Variants in FCRLA observed in about 807,000 individuals in gnomAD.
The protein encoded by FCRLA is Fc receptor like A, also known as Fc receptor-like A.
Under a neutral mutation model 28.4 loss-of-function variants are expected in FCRLA, and 26 were observed. That is an observed-to-expected ratio of 0.91 (90% CI 0.67 to 1.27). The LOEUF (loss-of-function observed/expected upper bound fraction) is 1.27. Ranked by LOEUF, FCRLA falls within the 50% of genes most tolerant of loss-of-function variation. The pLI is 0.00. For missense variants in FCRLA, 422 were observed against 433.1 expected (o/e 0.97, Z 0.23); for synonymous variants, 174 against 168.5 (o/e 1.03, Z -0.25).
rs1557920208 is a variant in FCRLA at position 161,710,796 on chromosome 1, T to C, written c.116T>C (p.Val39Ala). 6.2e-6 allele frequency: 10 copies of C among 1,614,116 alleles called. No homozygotes were observed. The highest frequency in any genetic ancestry group is 8.5e-6 in the Non-Finnish European group (10 of 1,180,028). Reference protein sequence around the residue: ...SFETLQCEGPVCTEESSCHTE... With the variant: ...SFETLQCEGPACTEESSCHTE... The stretch of plus-strand genomic sequence containing the variant: ...GAGACGCTGCAGTGTGAGGGACCTG[T>C]CTGCACTGAGGAGAGCAGCTGCCAC... The change falls in exon 2 of 5, where the codon GTC becomes GCC. Residue 39 changes from valine to alanine, a missense_variant. Val to Ala is a moderately conservative substitution (Grantham distance 64, BLOSUM62 0). This residue lies in a region of FCRLA where 231 missense variants were observed against 214.6 expected (regional missense o/e 1.08). Transcript: ENST00000236938.
intron 1 of FCRLA, 142 bp from the exon 2 acceptor site, chr1:161,710,618 T>C: frequency 7.0e-7 from 1 of 1,421,392 alleles, no homozygotes; most frequent in Non-Finnish European, 9.7e-7. Flanking sequence ...CTCAGGGGTC[T>C]TTCCGAAAAA....
chr1:161,712,883 C>A (rs537534849), intron 4 of FCRLA, among the ~76,000 whole-genome samples: 1 of 152,314 alleles, frequency 6.6e-6, no homozygotes, highest in South Asian at 2.1e-4. Flanking sequence ...AGTGGTGAAG[C>A]CTCACTGCTG....
At position 161,710,849 on chromosome 1, in the gene FCRLA, G is replaced by A; in HGVS notation, c.169G>A (p.Glu57Lys). ...HTEDDLTDAR[E>K]AGFQVKAYTF... ...GGAGGATGACTTGACTGATGCAAGG[G>A]AAGCTGGCTTCCAGGTCAAGGCCTA... The change falls in exon 2 of 5, where the codon GAA becomes AAA. Residue 57 changes from glutamate (E) to lysine (K), a missense_variant. By Grantham distance (56) the Glu-to-Lys change is moderately conservative. Transcript: ENST00000236938. The A allele has an allele frequency of 6.2e-7, 1 of 1,613,996 alleles. No homozygotes were observed. Among genetic ancestry groups the A allele is most frequent in the African/African-American group, 1.3e-5 (1 of 75,044 alleles).
intron 1 of FCRLA, among the ~76,000 whole-genome samples, chr1:161,708,133 C>A (rs1181854101): frequency 6.6e-6 from 1 of 152,196 alleles, no homozygotes; most frequent in East Asian, 1.9e-4. Flanking sequence ...AGTGTCTCTG[C>A]ACCATGTGAC....
intron 1 of FCRLA, chr1:161,710,448 G>A (rs1461678173): frequency 2.6e-6 from 4 of 1,549,800 alleles, no homozygotes; most frequent in Admixed American, 2.0e-5. Context: ...AGTTACCATT[G>A]TCTTTGCTCC....
Position 161,711,510 on chromosome 1 carries a change from G to A in FCRLA, c.499+36G>A, listed in dbSNP as rs760090571. Reference sequence around the variant, plus strand: ...GAAGCAGCATTGTCATGGCAGGGGAGGGTAAGGAGAGACAGGGAGCCCAAA... The same window carrying A: ...GAAGCAGCATTGTCATGGCAGGGGAAGGTAAGGAGAGACAGGGAGCCCAAA... On this transcript the variant is annotated intron_variant, in intron 3 of 4. Transcript: ENST00000236938. 3 of 1,584,298 alleles carry A rather than the reference G, an allele frequency of 1.9e-6. 1 individual carries two copies. In the South Asian group the frequency reaches 3.5e-5, roughly 18 times the overall value.
chr1:161,708,151 GA>G (rs1682921654), intron 1 of FCRLA, among the ~76,000 whole-genome samples: 1 of 152,132 alleles, frequency 6.6e-6, no homozygotes, highest in African/African-American at 2.4e-5. Context: ...GACTAGAGTT[GA>G]ACTTATCTGT....
At chr1:161,708,956 G>T (rs1682963484) in intron 1 of FCRLA, among the ~76,000 whole-genome samples, 1 of 152,078 alleles carries the variant, frequency 6.6e-6, no homozygotes, top group East Asian at 1.9e-4. Flanking sequence ...TGCAGACTTG[G>T]AATCAGATAC....
chr1:161,711,139 G>C, intron 2 of FCRLA, 69 bp from the exon 3 acceptor site: 1 of 1,550,054 alleles, frequency 6.5e-7, no homozygotes, highest in Non-Finnish European at 8.7e-7. Flanking sequence ...GTTTAGGGGA[G>C]TAGGCATGCT....
At chr1:161,710,345 A>G (rs1032462525) in intron 1 of FCRLA, 1 of 791,602 alleles carries the variant, frequency 1.3e-6, no homozygotes, top group Non-Finnish European at 2.2e-6. Context: ...ATGAAGTTAG[A>G]TACTGCACAC....
In FCRLA at chr1:161,712,073, A is replaced by T; in HGVS notation, c.639A>T (p.Gly213=). The change falls in exon 4 of 5, where the codon GGA becomes GGT. Residue 213 remains glycine (G), a synonymous_variant. Transcript: ENST00000236938. ...ARLLFSFYKD[G]RIVQSRGLSS... ...TCCTCTTCTCCTTCTACAAGGATGG[A>T]AGGATAGTGCAAAGCAGGGGGCTCT... The T allele has an allele frequency of 6.2e-7, 1 of 1,614,138 alleles. No homozygotes were observed. The highest frequency in any genetic ancestry group is 8.5e-7 in the Non-Finnish European group (1 of 1,180,020).
At chr1:161,709,216 C>T (rs1466273478) in intron 1 of FCRLA, among the ~76,000 whole-genome samples, 1 of 152,172 alleles carries the variant, frequency 6.6e-6, no homozygotes, top group Admixed American at 6.5e-5. Context: ...CAACCTTGAC[C>T]TCTTGGGCTT....
At chr1:161,712,340 G>A (rs1213590033) in intron 4 of FCRLA, 122 bp downstream of exon 4, 3 of 1,181,032 alleles carry the variant, frequency 2.5e-6, no homozygotes, top group Non-Finnish European at 3.5e-6. Context: ...GACACAGAGG[G>A]GGCAGGAACA....
intron 3 of FCRLA, 25 bp downstream of exon 3, chr1:161,711,499 A>G (rs201524104): frequency 3.0e-5 from 48 of 1,597,920 alleles, no homozygotes; most frequent in Non-Finnish European, 3.9e-5. Context: ...CAGCATTGTC[A>G]TGGCAGGGGA....
chr1:161,712,063 A>G lies in FCRLA; in HGVS notation c.629A>G (p.Tyr210Cys). The G allele has an allele frequency of 1.9e-6, 3 of 1,614,086 alleles. No homozygotes were observed. The highest frequency in any genetic ancestry group is 2.5e-6 in the Non-Finnish European group (3 of 1,180,026). ...RSAARLLFSF[Y>C]KDGRIVQSRG... is the part of the protein sequence containing the mutation. ...GCTGCCCGCCTCCTCTTCTCCTTCT[A>G]CAAGGATGGAAGGATAGTGCAAAGC... Residue 210 changes from tyrosine (Y) to cysteine (C), a missense_variant, in exon 4 of 5, where the codon TAC (tyrosine) becomes TGC (cysteine). Physicochemically the swap from Tyr to Cys is radical, Grantham distance 194. Around this residue, in one of 3 missense-constraint regions of FCRLA, gnomAD observed 185 missense variants for 198.1 expected, o/e 0.93. Coordinates refer to ENST00000236938, the MANE Select transcript of FCRLA (RefSeq NM_032738.4).
At chr1:161,711,651 C>T in intron 3 of FCRLA, 177 bp downstream of exon 3, 1 of 810,806 alleles carries the variant, frequency 1.2e-6, no homozygotes, top group South Asian at 1.8e-5. Flanking sequence ...TGAAGTCATC[C>T]AGCCCCACTC....
At chr1:161,713,013 T>C (rs956053062) in intron 4 of FCRLA, 72 bp from the exon 5 acceptor site, 26 of 1,506,584 alleles carry the variant, frequency 1.7e-5, no homozygotes, top group African/African-American at 8.4e-5. Flanking sequence ...ACAAGAAAGA[T>C]TGGCCAGGGA....
At chr1:161,709,103 C>G (rs1222047607) in intron 1 of FCRLA, among the ~76,000 whole-genome samples, 1 of 152,012 alleles carries the variant, frequency 6.6e-6, no homozygotes, top group Non-Finnish European at 1.5e-5. Flanking sequence ...GAGTGAGTTC[C>G]CAGTAACCCA....
Position 161,711,477 on chromosome 1 carries a change from G to A in FCRLA, c.499+3G>A, listed in dbSNP as rs1288513559. The A allele has an allele frequency of 1.2e-6, 2 of 1,610,620 alleles. No individual in the cohort carries two copies. The highest frequency in any genetic ancestry group is 1.7e-6 in the Non-Finnish European group (2 of 1,177,638). On this transcript the variant is annotated splice_donor_region_variant and intron_variant, in intron 3 of 4. Coordinates refer to ENST00000236938, the MANE Select transcript of FCRLA (RefSeq NM_032738.4). Reference sequence around the variant, plus strand: ...TGTTGTGGCTATCACAGTCCAAGGTGAGAGCTAGAAGCAGCATTGTCATGG... The same window carrying A: ...TGTTGTGGCTATCACAGTCCAAGGTAAGAGCTAGAAGCAGCATTGTCATGG...
Sources: allele counts gnomAD v4.1 joint callset (sites outside exome capture counted in the v4.1 genomes callset), GRCh38; gene constraint gnomAD v4.1.1; regional missense constraint gnomAD v4.1.1; transcripts MANE v1.5; gene names NCBI Gene and HGNC (gene_info 2026-07-23, HGNC 2026-07-21).